ABCA3: variants seen among roughly 807,000 people sequenced by gnomAD.
The protein encoded by ABCA3 is phospholipid-transporting ATPase ABCA3.
ABCA3 carries 88 observed loss-of-function variants against 172.8 expected under a neutral mutation model. The ratio of observed to expected loss-of-function variants is 0.51; its 90% CI spans 0.43 to 0.61. ABCA3 has a LOEUF of 0.61. Ranked by LOEUF, ABCA3 falls within the 20% of genes least tolerant of loss-of-function variation. The pLI is 0.00. For missense variants in ABCA3, 2,164 were observed against 2,301.0 expected (o/e 0.94, Z 1.22); for synonymous variants, 1,066 against 983.8 (o/e 1.08, Z -1.56).
chr16:2,301,799 C>G (rs1232832900), intron 12 of ABCA3, among the ~76,000 whole-genome samples: 1 of 152,118 alleles, frequency 6.6e-6, no homozygotes, highest in Non-Finnish European at 1.5e-5. Flanking sequence ...GAATGGAACA[C>G]TGTGTGTCAC....
Position 2,279,133 on chromosome 16 carries a change from G to A in ABCA3, c.4360-3C>T. 1 of 1,610,876 alleles carries A rather than the reference G, an allele frequency of 6.2e-7. No homozygotes were observed. The highest frequency in any genetic ancestry group is 8.5e-7 in the Non-Finnish European group (1 of 1,179,990). ...CAGTAGCCGATCCGCTGCCGCACCT[G>A]GGGTCGGAGCATAGCCGGGGAGGGA... On this transcript the variant is annotated splice_region_variant and splice_polypyrimidine_tract_variant and intron_variant, in intron 28 of 32. Coordinates refer to ENST00000301732, the MANE Select transcript of ABCA3 (RefSeq NM_001089.3). The surrounding 1 kb of genome is among the most constrained non-coding windows in gnomAD (Gnocchi z 4.4).
intron 12 of ABCA3, among the ~76,000 whole-genome samples, chr16:2,302,255 T>A (rs528721505): frequency 6.6e-6 from 1 of 152,294 alleles, no homozygotes; most frequent in Non-Finnish European, 1.5e-5. Context: ...CTTTAATTCC[T>A]CTAGTGCCGC....
chr16:2,331,371 G>T (rs1194283442), intron 1 of ABCA3, among the ~76,000 whole-genome samples: 2 of 152,140 alleles, frequency 1.3e-5, no homozygotes, highest in Non-Finnish European at 2.9e-5. Context: ...GCTAATTCTT[G>T]TATTTTTAAT....
At chr16:2,301,054 C>T (rs1163667179) in intron 12 of ABCA3, among the ~76,000 whole-genome samples, 2 of 150,942 alleles carry the variant, frequency 1.3e-5, no homozygotes, top group East Asian at 3.9e-4. Context: ...CACGGTGAAA[C>T]CCCGTCTCTA....
intron 1 of ABCA3, among the ~76,000 whole-genome samples, chr16:2,337,801 G>T (rs555060790): frequency 9.2e-5 from 14 of 152,306 alleles, no homozygotes; most frequent in African/African-American, 3.4e-4. Context: ...CACTGGCATC[G>T]CAGGCCCTGA....
intron 1 of ABCA3, among the ~76,000 whole-genome samples, chr16:2,333,839 C>A (rs2093747269): frequency 2.0e-5 from 3 of 152,006 alleles, no homozygotes; most frequent in African/African-American, 7.2e-5. Context: ...CAGGCGTGCG[C>A]CACCATGCCT....
chr16:2,286,723 G>A lies in ABCA3; in HGVS notation c.3249C>T (p.Ala1083=). The part of the protein sequence containing the change: ...VVSNFPQPRS[A]LQAAKDQFNE... ...TAAACTGGTCCTTGGCAGCCTGCAG[G>A]GCGCTCCGGGGCTGGGGGAAGTTGG... Residue 1083 remains alanine (A), a synonymous_variant, in exon 22 of 33, where the codon GCC becomes GCT. Coordinates refer to ENST00000301732, the MANE Select transcript of ABCA3 (RefSeq NM_001089.3). This position sits in a 1 kb window ranked among gnomAD's most constrained non-coding sequence, Gnocchi z 5.2. The A allele has an allele frequency of 6.2e-7, 1 of 1,613,770 alleles. No individual in the cohort carries two copies. The highest frequency in any genetic ancestry group is 8.5e-7 in the Non-Finnish European group (1 of 1,179,924).
At chr16:2,317,872 G>A in intron 8 of ABCA3, 108 bp from the exon 9 acceptor site, 4 of 970,484 alleles carry the variant, frequency 4.1e-6, no homozygotes, top group Non-Finnish European at 4.9e-6. Context: ...CAGCAGCCCT[G>A]CATTCGACAG....
chr16:2,333,997 T>C (rs928833590), intron 1 of ABCA3, among the ~76,000 whole-genome samples: 3 of 152,188 alleles, frequency 2.0e-5, no homozygotes, highest in African/African-American at 7.2e-5. Flanking sequence ...TGGCCGATGA[T>C]AACATTCTTA....
chr16:2,295,223 C>A (rs2093677803), intron 18 of ABCA3, among the ~76,000 whole-genome samples: 1 of 152,200 alleles, frequency 6.6e-6, no homozygotes, highest in South Asian at 2.1e-4. Flanking sequence ...ACCAAATTCA[C>A]CACCCACATA....
intron 11 of ABCA3, among the ~76,000 whole-genome samples, chr16:2,305,711 C>G (rs2093696627): frequency 6.6e-6 from 1 of 152,180 alleles, no homozygotes; most frequent in Admixed American, 6.5e-5. Context: ...AGGTGTGAGC[C>G]ACCCCATCCA....
At chr16:2,314,036 G>T (rs922610133) in intron 10 of ABCA3, among the ~76,000 whole-genome samples, 18 of 152,310 alleles carry the variant, frequency 1.2e-4, no homozygotes, top group African/African-American at 4.3e-4. Context: ...GTGTGCTGCT[G>T]GTGGGAATGC....
intron 10 of ABCA3, among the ~76,000 whole-genome samples, chr16:2,314,221 G>A (rs562031735): frequency 6.6e-6 from 1 of 151,958 alleles, no homozygotes; most frequent in African/African-American, 2.4e-5. Flanking sequence ...GGGCATCCAA[G>A]AGTCTGTCAA....
At chr16:2,291,109 G>GTGTGATTACCTGAGATCACC (rs1273163052) in intron 19 of ABCA3, among the ~76,000 whole-genome samples, 1 of 151,984 alleles carries the variant, frequency 6.6e-6, no homozygotes, top group Non-Finnish European at 1.5e-5. Flanking sequence ...AGATCTTCAG[G>GTGTGATTACCTGAGATCACC]TGGGTCACCT....
At position 2,281,221 on chromosome 16, in the gene ABCA3, C is replaced by A; in HGVS notation, c.4165G>T (p.Val1389Leu). The change falls in exon 28 of 33, where the codon GTG becomes TTG. Residue 1389 changes from valine to leucine, a missense_variant and splice_region_variant. By Grantham distance (32) the Val-to-Leu change is conservative (BLOSUM62 1). Around this residue, in one of 3 missense-constraint regions of ABCA3, gnomAD observed 795 missense variants for 881.9 expected, o/e 0.90. Transcript: ENST00000301732. This position sits in a 1 kb window ranked among gnomAD's most constrained non-coding sequence, Gnocchi z 4.7. Reference sequence around the variant, plus strand: ...AGGAGGGGCACCCGCTGCTCGTACACCTGCAGGCACCCAACAGAAAACACG... The same window carrying A: ...AGGAGGGGCACCCGCTGCTCGTACAACTGCAGGCACCCAACAGAAAACACG... ...TPLIIKELSK[V>L]YEQRVPLLAV... is the part of the protein sequence containing the mutation. 1 of 1,613,486 alleles carries A rather than the reference C, an allele frequency of 6.2e-7. No individual in the cohort carries two copies. The highest frequency in any genetic ancestry group is 2.2e-5 in the East Asian group (1 of 44,888).
chr16:2,286,244 G>T lies in ABCA3; in HGVS notation c.3278+450C>A, dbSNP rs945230869. On this transcript the variant is annotated intron_variant, in intron 22 of 32. Coordinates refer to ENST00000301732, the MANE Select transcript of ABCA3 (RefSeq NM_001089.3). The surrounding 1 kb of genome is among the most constrained non-coding windows in gnomAD (Gnocchi z 5.2). ...GGGGGCTCTGTGGCCGGCATAGGGG[G>T]TAGCCCTGCCCACACAATGGCATGG... Among the ~76,000 whole-genome samples the T allele has an allele frequency of 6.6e-6, 1 of 152,220 alleles. No individual in the cohort carries two copies. Among genetic ancestry groups the T allele is most frequent in the Non-Finnish European group, 1.5e-5 (1 of 68,030 alleles).
intron 12 of ABCA3, 115 bp downstream of exon 12, chr16:2,303,854 G>A (rs1376891645): frequency 1.3e-5 from 16 of 1,214,868 alleles, no homozygotes; most frequent in Non-Finnish European, 1.9e-5. Flanking sequence ...GGTTCTGTGT[G>A]CCAGCCCCAC....
intron 10 of ABCA3, among the ~76,000 whole-genome samples, chr16:2,310,058 T>C (rs922691712): frequency 1.3e-5 from 2 of 152,212 alleles, no homozygotes; most frequent in Non-Finnish European, 2.9e-5. Flanking sequence ...TTAAAAATTC[T>C]GTTAAATTTA....
In ABCA3 at chr16:2,278,819, G is replaced by T; in HGVS notation, c.4547+124C>A. The T allele has an allele frequency of 7.0e-7, 1 of 1,437,382 alleles. No individual in the cohort carries two copies. Among genetic ancestry groups the T allele is most frequent in the Non-Finnish European group, 9.6e-7 (1 of 1,036,540 alleles). 89.0% of individuals were successfully genotyped at this position (1,437,382 alleles called of 1,614,324 possible). A position where few individuals can be genotyped will look rare whatever the true frequency, so the allele number is the denominator to read the frequency against. On this transcript the variant is annotated intron_variant, in intron 29 of 32. Coordinates refer to ENST00000301732, the MANE Select transcript of ABCA3 (RefSeq NM_001089.3). The surrounding 1 kb of genome is among the most constrained non-coding windows in gnomAD (Gnocchi z 4.4). The stretch of plus-strand genomic sequence containing the variant: ...ACCTGGGTCACACCACCACATCCCA[G>T]CTCCATCCTGGAGCCACAAGCAGGA...
Sources: allele counts gnomAD v4.1 joint callset (sites outside exome capture counted in the v4.1 genomes callset), GRCh38; gene constraint gnomAD v4.1.1; regional missense constraint gnomAD v4.1.1; non-coding constraint Gnocchi (gnomAD v3.1); transcripts MANE v1.5; gene names NCBI Gene and HGNC (gene_info 2026-07-23, HGNC 2026-07-21).